Variants in MYT1L observed in about 807,000 individuals in gnomAD.
MYT1L encodes the protein myelin transcription factor 1 like, also known as myelin transcription factor 1-like protein.
A neutral mutation model predicts 126.7 loss-of-function variants in MYT1L; 12 were observed. That is an observed-to-expected ratio of 0.09 (90% CI 0.06 to 0.15). The LOEUF is 0.15. Ranked by LOEUF, MYT1L falls within the 10% of genes least tolerant of loss-of-function variation. MYT1L has a pLI of 1.00. For missense variants in MYT1L, 979 were observed against 1,585.2 expected (o/e 0.62, Z 6.49); for synonymous variants, 541 against 604.2 (o/e 0.90, Z 1.53).
chr2:1,911,360 G>T (rs1558368475), intron 12 of MYT1L, among the ~76,000 whole-genome samples: 1 of 152,038 alleles, frequency 6.6e-6, no homozygotes, highest in African/African-American at 2.4e-5. Context: ...AACTTTAAAA[G>T]AATCACTTTT....
In MYT1L at chr2:1,922,312, T is replaced by C. The variant is rs1458761577; in HGVS notation, c.1457A>G (p.His486Arg). 2 of 1,613,928 alleles carry C rather than the reference T, an allele frequency of 1.2e-6. No individual in the cohort carries two copies. The highest frequency in any genetic ancestry group is 2.2e-5 in the South Asian group (2 of 91,068). Residue 486 changes from histidine (H) to arginine (R), a missense_variant, in exon 10 of 25, where the codon CAT (histidine) becomes CGT (arginine). Physicochemically the swap from His to Arg is conservative, Grantham distance 29. Around this residue, in one of 12 missense-constraint regions of MYT1L, gnomAD observed 67 missense variants for 80.3 expected, o/e 0.83. Coordinates refer to ENST00000647738, the MANE Select transcript of MYT1L (RefSeq NM_001303052.2). The surrounding 1 kb of genome is among the most constrained non-coding windows in gnomAD (Gnocchi z 7.4). ...TTTACCATAGTATGGCTTTTTGACA[T>C]GGCTGTCACTGGATTTAGGCTTTCT... The part of the protein sequence containing the change: ...EDRKPKSSDS[H>R]VKKPYYGKDP...
intron 18 of MYT1L, among the ~76,000 whole-genome samples, chr2:1,867,439 C>A (rs915780437): frequency 6.6e-6 from 1 of 152,208 alleles, no homozygotes; most frequent in Non-Finnish European, 1.5e-5. Flanking sequence ...GTTCAGACGT[C>A]TGGCAGGTTT....
intron 4 of MYT1L, among the ~76,000 whole-genome samples, chr2:2,047,272 A>AT (rs1454578926): frequency 6.6e-6 from 1 of 152,212 alleles, no homozygotes; most frequent in Non-Finnish European, 1.5e-5. Context: ...TCACTTGGCC[A>AT]TATTCTATTA....
At chr2:2,248,379 C>A (rs578150162) in intron 2 of MYT1L, among the ~76,000 whole-genome samples, 1 of 152,024 alleles carries the variant, frequency 6.6e-6, no homozygotes, top group South Asian at 2.1e-4. Context: ...GAGATAAAAG[C>A]CGTAGTAAAA....
chr2:1,940,234 G>A (rs1344726166), intron 9 of MYT1L, among the ~76,000 whole-genome samples: 2 of 150,752 alleles, frequency 1.3e-5, no homozygotes, highest in African/African-American at 4.9e-5. Context: ...TCAGTAAACT[G>A]GGTGCACCTG....
At chr2:2,026,542 C>T (rs1213580) in intron 4 of MYT1L, among the ~76,000 whole-genome samples, 10,035 of 152,302 alleles carry the variant, frequency 0.066, 1,008 homozygotes, top group African/African-American at 0.22. Context: ...GCTCACCACC[C>T]ACTACAAGCT....
intron 22 of MYT1L, among the ~76,000 whole-genome samples, chr2:1,803,363 C>T (rs1296315065): frequency 6.6e-6 from 1 of 152,174 alleles, no homozygotes; most frequent in Non-Finnish European, 1.5e-5. Flanking sequence ...ACAGCTGTCA[C>T]AGGCAAATTT....
chr2:2,312,363 C>A (rs561763688), intron 1 of MYT1L, among the ~76,000 whole-genome samples: 1 of 152,238 alleles, frequency 6.6e-6, no homozygotes, highest in African/African-American at 2.4e-5. Flanking sequence ...GTAATCCTAG[C>A]ACTTTGAGAG....
chr2:2,029,220 C>T (rs951004925), intron 4 of MYT1L, among the ~76,000 whole-genome samples: 3 of 152,136 alleles, frequency 2.0e-5, no homozygotes, highest in Non-Finnish European at 4.4e-5. Context: ...GACTGTCTAA[C>T]ATATTCATGT....
chr2:2,138,653 A>G (rs2083438450), intron 3 of MYT1L, among the ~76,000 whole-genome samples: 2 of 127,284 alleles, frequency 1.6e-5, no homozygotes, highest in African/African-American at 6.0e-5. Context: ...ATGAGAACAC[A>G]TGGACACAGG....
intron 2 of MYT1L, among the ~76,000 whole-genome samples, chr2:2,227,700 A>G (rs1037984190): frequency 1.3e-5 from 2 of 152,160 alleles, no homozygotes; most frequent in African/African-American, 2.4e-5. Flanking sequence ...TGGTTCAAAT[A>G]TGTTCACTAC....
chr2:2,110,564 CT>C (rs2079301294), intron 3 of MYT1L, among the ~76,000 whole-genome samples: 1 of 149,850 alleles, frequency 6.7e-6, no homozygotes, highest in Non-Finnish European at 1.5e-5. Context: ...CCCTCCCTCC[CT>C]CCCTCCCTCT....
intron 4 of MYT1L, among the ~76,000 whole-genome samples, chr2:2,036,762 C>A (rs976069390): frequency 6.6e-6 from 1 of 152,238 alleles, no homozygotes. Context: ...GCCATTCCAG[C>A]ACCTTGGCAT....
intron 3 of MYT1L, among the ~76,000 whole-genome samples, chr2:2,172,091 G>A (rs1424258315): frequency 2.6e-5 from 4 of 152,052 alleles, no homozygotes; most frequent in South Asian, 2.1e-4. Flanking sequence ...CCATTCACTC[G>A]TTCAGAACCA....
chr2:1,968,290 C>T (rs954092826), intron 8 of MYT1L, among the ~76,000 whole-genome samples: 1 of 145,364 alleles, frequency 6.9e-6, no homozygotes, highest in Non-Finnish European at 1.5e-5. Context: ...CTCCCCAGAG[C>T]GTCTGCACTT....
intron 9 of MYT1L, among the ~76,000 whole-genome samples, chr2:1,939,924 G>A (rs1203921664): frequency 6.6e-6 from 1 of 152,260 alleles, no homozygotes; most frequent in Non-Finnish European, 1.5e-5. Context: ...GGCCTCTCAG[G>A]TGATTATGTC....
chr2:2,041,021 C>G (rs2150012631), intron 4 of MYT1L, among the ~76,000 whole-genome samples: 1 of 152,228 alleles, frequency 6.6e-6, no homozygotes, highest in South Asian at 2.1e-4. Flanking sequence ...ATTACACTGC[C>G]TTTTCTGGAA....
chr2:1,792,711 A>G (rs537911339), intron 23 of MYT1L, among the ~76,000 whole-genome samples: 1 of 152,034 alleles, frequency 6.6e-6, no homozygotes, highest in Non-Finnish European at 1.5e-5. Context: ...CTCTACTAAA[A>G]ATACAAAAAT....
At chr2:2,282,023 T>G (rs970751303) in intron 2 of MYT1L, among the ~76,000 whole-genome samples, 4 of 152,222 alleles carry the variant, frequency 2.6e-5, no homozygotes, top group Non-Finnish European at 5.9e-5. Context: ...GATCTCGAAA[T>G]TCTCAGAGTT....
Sources: allele counts gnomAD v4.1 joint callset (sites outside exome capture counted in the v4.1 genomes callset), GRCh38; gene constraint gnomAD v4.1.1; regional missense constraint gnomAD v4.1.1; non-coding constraint Gnocchi (gnomAD v3.1); transcripts MANE v1.5; gene names NCBI Gene and HGNC (gene_info 2026-07-23, HGNC 2026-07-21).